The following CEP152 variants were observed in gnomAD, a reference collection of about 807,000 sequenced individuals.
CEP152 encodes the protein centrosomal protein 152.
Under a neutral mutation model 188.9 loss-of-function variants are expected in CEP152, and 132 were observed. The ratio of observed to expected loss-of-function variants is 0.70; its 90% confidence interval spans 0.61 to 0.81. The LOEUF is 0.81. Among genes scored for constraint, CEP152 ranks in the 30% least tolerant of loss-of-function variants. The probability of loss-of-function intolerance (pLI) is 0.00; values close to 1 mark genes in which losing one functional copy is unlikely to be tolerated. For missense variants in CEP152, 1,914 were observed against 1,969.8 expected (o/e 0.97, Z 0.54); for synonymous variants, 649 against 666.6 (o/e 0.97, Z 0.41).
chr15:48,752,994 C>G (rs1399743503), intron 20 of CEP152, among the ~76,000 whole-genome samples: 1 of 152,198 alleles, frequency 6.6e-6, no homozygotes, highest in Admixed American at 6.5e-5. Context: ...GGAAGGCCAG[C>G]TGAATGCCAA....
At chr15:48,779,259 G>A (rs1454939262) in intron 12 of CEP152, among the ~76,000 whole-genome samples, 2 of 152,152 alleles carry the variant, frequency 1.3e-5, no homozygotes, top group Admixed American at 6.5e-5. Flanking sequence ...ACAGACAACC[G>A]AGCCTTTCTC....
At chr15:48,807,067 C>T (rs1898026156) in intron 1 of CEP152, among the ~76,000 whole-genome samples, 1 of 152,166 alleles carries the variant, frequency 6.6e-6, no homozygotes, top group African/African-American at 2.4e-5. Flanking sequence ...CCTCTCTGGT[C>T]CCTACACCCA....
intron 18 of CEP152, 39 bp from the exon 19 acceptor site, chr15:48,760,305 T>A: frequency 6.2e-7 from 1 of 1,611,500 alleles, no homozygotes; most frequent in East Asian, 2.2e-5. Context: ...AAGGGAAGTA[T>A]AAAACTTAAA....
In CEP152 at chr15:48,741,281, C is replaced by T. The variant is rs993080931; in HGVS notation, c.4093+320G>A. Reference sequence around the variant, plus strand: ...AAGTGCTGGGATTACAGGTGTGAGCCATGATGCCTGGCCCACTGCAACTTT... The same window carrying T: ...AAGTGCTGGGATTACAGGTGTGAGCTATGATGCCTGGCCCACTGCAACTTT... On this transcript the variant is annotated intron_variant, in intron 26 of 26. Coordinates refer to ENST00000380950, the MANE Select transcript of CEP152 (RefSeq NM_001194998.2). 1.0e-5 allele frequency: 12 copies of T among 1,181,264 alleles called. No homozygotes were observed. In the African/African-American group the frequency reaches 1.9e-4, roughly 19 times the overall value. 73.2% of individuals were successfully genotyped at this position (1,181,264 alleles called of 1,614,324 possible). A position where few individuals can be genotyped will look rare whatever the true frequency, so the allele number is the denominator to read the frequency against.
At chr15:48,803,285 T>C (rs1897787431) in intron 2 of CEP152, among the ~76,000 whole-genome samples, 1 of 152,152 alleles carries the variant, frequency 6.6e-6, no homozygotes, top group Non-Finnish European at 1.5e-5. Flanking sequence ...TGTGAACCAT[T>C]TGGCTATTGC....
chr15:48,772,380 C>T (rs2140786158), intron 13 of CEP152, 107 bp downstream of exon 13: 3 of 934,520 alleles, frequency 3.2e-6, no homozygotes, highest in Middle Eastern at 3.2e-4. Flanking sequence ...CACTGCCCTC[C>T]AGCCTGGAAG....
intron 17 of CEP152, chr15:48,765,510 C>A: frequency 2.7e-6 from 1 of 366,684 alleles, no homozygotes; most frequent in Non-Finnish European, 5.2e-6. Context: ...CAGTCAATAG[C>A]AGATACTAAT....
downstream of CEP152, among the ~76,000 whole-genome samples, chr15:48,737,304 T>G (rs973089419): frequency 6.6e-6 from 1 of 152,144 alleles, no homozygotes; most frequent in Non-Finnish European, 1.5e-5. Flanking sequence ...AAAGCTATAG[T>G]TAACTGTTTT....
chr15:48,787,162 C>G (rs58612047), intron 9 of CEP152, among the ~76,000 whole-genome samples: 2 of 37,148 alleles, frequency 5.4e-5, no homozygotes, highest in African/African-American at 7.1e-5. Context: ...GTATAGCCTT[C>G]GTTTTTTTTT....
rs764044561 is a variant in CEP152, at chr15:48,752,383, C to T, written c.3432G>A (p.Gln1144=). The T allele has an allele frequency of 1.7e-5, 27 of 1,614,034 alleles. No individual in the cohort carries two copies. The highest frequency in any genetic ancestry group is 2.3e-5 in the Non-Finnish European group (27 of 1,180,020). The change falls in exon 21 of 27, where the codon CAG becomes CAA. Residue 1144 remains glutamine, a synonymous_variant. Transcript: ENST00000380950. ...CTTCTGTTGCTTGTAAGGCCAAGGG[C>T]TGAGCATGGTGTCCAGCAGCAGGTC... ...DPGPAAGHHA[Q]PLALQATEAE...
chr15:48,796,134 C>T lies in CEP152; in HGVS notation c.567G>A (p.Pro189=), dbSNP rs762343632. Residue 189 remains proline (P), a synonymous_variant, in exon 6 of 27, where the codon CCG becomes CCA. Coordinates refer to ENST00000380950, the MANE Select transcript of CEP152 (RefSeq NM_001194998.2). The part of the protein sequence containing the change: ...FQGPSCQGLE[P]YNKVTYKPYQ... ...AAGGTTTATATGTCACTTTATTATA[C>T]GGTTCCAAACCTTGACAACTGGGAC... 36 of 1,613,574 alleles carry T rather than the reference C, an allele frequency of 2.2e-5. No homozygotes were observed. The highest frequency in any genetic ancestry group is 2.2e-4 in the Admixed American group (13 of 59,978).
intron 2 of CEP152, among the ~76,000 whole-genome samples, chr15:48,802,497 A>G (rs1897731629): frequency 1.3e-5 from 2 of 152,228 alleles, no homozygotes; most frequent in African/African-American, 4.8e-5. Context: ...CACTGTGAGA[A>G]GCTGTGGTTT....
At chr15:48,754,694 G>C (rs1894132253) in intron 20 of CEP152, among the ~76,000 whole-genome samples, 1 of 152,080 alleles carries the variant, frequency 6.6e-6, no homozygotes, top group East Asian at 1.9e-4. Context: ...GTCCCTTCTG[G>C]CTCTAAAATT....
At chr15:48,807,904 T>TTAAAG (rs3074980) in intron 1 of CEP152, among the ~76,000 whole-genome samples, 129,734 of 151,624 alleles carry the variant, frequency 0.86, 55,820 homozygotes, top group East Asian at 1. Flanking sequence ...GGTTTTGTTT[T>TTAAAG]TAAAGAGAAT....
chr15:48,782,222 G>C lies in CEP152; in HGVS notation c.1330C>G (p.Gln444Glu), dbSNP rs201577437. 5.6e-6 allele frequency: 9 copies of C among 1,613,736 alleles called. No individual in the cohort carries two copies. Among genetic ancestry groups the C allele is most frequent in the Non-Finnish European group, 7.6e-6 (9 of 1,179,768 alleles). Residue 444 changes from glutamine to glutamate, a missense_variant, in exon 11 of 27, where the codon CAA becomes GAA. By Grantham distance (29) the Gln-to-Glu change is conservative. Coordinates refer to ENST00000380950, the MANE Select transcript of CEP152 (RefSeq NM_001194998.2). The stretch of plus-strand genomic sequence containing the variant: ...TGGAACTGTAGCTGAGCCACCTCTT[G>C]TACTGACCCTGCAGAGGAAAGAACC... Reference protein sequence around the residue: ...CAHLLQSGSVQEVAQLQFQLQ... With the variant: ...CAHLLQSGSVEEVAQLQFQLQ...
rs150891517 is a variant in CEP152, at chr15:48,752,239, C to T, written c.3466+110G>A. 3,134 of 1,575,538 alleles carry T rather than the reference C, an allele frequency of 2.0e-3. 104 individuals carry two copies. The Admixed American group carries it at 0.047, about 24-fold the overall frequency. On this transcript the variant is annotated intron_variant, in intron 21 of 26. Coordinates refer to ENST00000380950, the MANE Select transcript of CEP152 (RefSeq NM_001194998.2). ...TAGGAAGAGGGGACATTAAGTCAGA[C>T]GATTATTACCCATTTGTTCACATCT...
chr15:48,742,223 T>TAA, intron 24 of CEP152, 123 bp from the exon 25 acceptor site: 1 of 882,752 alleles, frequency 1.1e-6, no homozygotes, highest in African/African-American at 1.7e-5. Flanking sequence ...AGTTTAAACA[T>TAA]TATACTTTCC....
intron 12 of CEP152, among the ~76,000 whole-genome samples, chr15:48,772,961 A>G (rs1895663750): frequency 6.6e-6 from 1 of 152,222 alleles, no homozygotes; most frequent in East Asian, 1.9e-4. Context: ...GAACTTTGAC[A>G]TAATTTACAT....
At chr15:48,797,236 A>T (rs565701377) in intron 5 of CEP152, 65 bp downstream of exon 5, 2 of 1,572,280 alleles carry the variant, frequency 1.3e-6, no homozygotes, top group East Asian at 4.5e-5. Context: ...TCCTGAACAC[A>T]CACAAACATC....
Sources: gnomAD v4.1 joint callset for allele counts (sites outside exome capture counted in the v4.1 genomes callset) on GRCh38, gnomAD v4.1.1 for gene constraint, MANE v1.5 for transcripts, NCBI Gene and HGNC (gene_info 2026-07-23, HGNC 2026-07-21) for gene names.